The following SORCS2 variants were observed in gnomAD, a reference collection of about 807,000 sequenced individuals.
SORCS2 encodes the protein sortilin related VPS10 domain containing receptor 2, also known as VPS10 domain-containing receptor SorCS2.
SORCS2 carries 100 observed loss-of-function variants against 141.6 expected under a neutral mutation model. The observed-to-expected ratio is 0.71, with a 90% CI of 0.60 to 0.83. The LOEUF is 0.83. Ranked by LOEUF, SORCS2 falls within the 40% of genes least tolerant of loss-of-function variation. The pLI, the probability that SORCS2 is intolerant of heterozygous loss-of-function variation, is 0.00. For synonymous variants in SORCS2, 789 were observed against 676.9 expected (o/e 1.17, Z -2.57); for missense variants, 1,646 against 1,560.2 (o/e 1.05, Z -0.93).
intron 3 of SORCS2, among the ~76,000 whole-genome samples, chr4:7,552,470 GC>G (rs1469208782): frequency 6.6e-6 from 1 of 152,138 alleles, no homozygotes; most frequent in Non-Finnish European, 1.5e-5. Context: ...AAAAGCACTG[GC>G]CCCAGTCCAA....
chr4:7,615,356 A>T (rs1469689978), intron 3 of SORCS2, among the ~76,000 whole-genome samples: 1 of 152,236 alleles, frequency 6.6e-6, no homozygotes, highest in Non-Finnish European at 1.5e-5. Flanking sequence ...AAATGGGGCT[A>T]TGGAGTGAGG....
intron 1 of SORCS2, among the ~76,000 whole-genome samples, chr4:7,263,647 G>A (rs1017216900): frequency 6.6e-6 from 1 of 152,230 alleles, no homozygotes; most frequent in Non-Finnish European, 1.5e-5. Context: ...TCTGCTGCCT[G>A]TATGTCAAAG....
At chr4:7,683,523 T>C (rs1332627793) in intron 10 of SORCS2, among the ~76,000 whole-genome samples, 2 of 152,250 alleles carry the variant, frequency 1.3e-5, no homozygotes, top group Non-Finnish European at 2.9e-5. Flanking sequence ...TTAATTCTCA[T>C]GGTGATACCA....
chr4:7,601,616 CAAAAAA>C (rs1168678841), intron 3 of SORCS2, among the ~76,000 whole-genome samples: 21 of 45,632 alleles, frequency 4.6e-4, no homozygotes, highest in East Asian at 9.3e-4. Context: ...AAGACTCTCT[CAAAAAA>C]AAAAAAAAAA....
intron 2 of SORCS2, among the ~76,000 whole-genome samples, chr4:7,516,726 C>T (rs571137007): frequency 1.8e-3 from 272 of 152,226 alleles, no homozygotes; most frequent in Admixed American, 2.3e-3. Flanking sequence ...CACACTCATC[C>T]CCTGCCTGCA....
intron 3 of SORCS2, among the ~76,000 whole-genome samples, chr4:7,608,025 A>T (rs11937918): frequency 1.3e-5 from 2 of 151,910 alleles, no homozygotes; most frequent in Non-Finnish European, 2.9e-5. Flanking sequence ...AGGACATGCC[A>T]TGCCCTGCCA....
At chr4:7,287,980 G>T (rs1716339392) in intron 1 of SORCS2, among the ~76,000 whole-genome samples, 1 of 152,252 alleles carries the variant, frequency 6.6e-6, no homozygotes, top group African/African-American at 2.4e-5. Context: ...CCCAGCCCCT[G>T]TGGGATGGGA....
chr4:7,394,882 G>A (rs997937589), intron 1 of SORCS2, among the ~76,000 whole-genome samples: 35 of 152,148 alleles, frequency 2.3e-4, no homozygotes, highest in Non-Finnish European at 3.5e-4. Context: ...GATGGGGCCG[G>A]ATCAAACAGA....
At chr4:7,733,238 C>A in intron 23 of SORCS2, 84 bp from the exon 24 acceptor site, 1 of 1,048,534 alleles carries the variant, frequency 9.5e-7, no homozygotes, top group South Asian at 1.9e-5. Context: ...TCACTCCCCT[C>A]CTGGAGGAGG....
chr4:7,402,968 C>T (rs1247450115), intron 2 of SORCS2, among the ~76,000 whole-genome samples: 1 of 151,764 alleles, frequency 6.6e-6, no homozygotes, highest in Non-Finnish European at 1.5e-5. Context: ...ATTTCCAGGC[C>T]CCTTAATTTT....
intron 1 of SORCS2, among the ~76,000 whole-genome samples, chr4:7,279,843 T>A (rs1715752547): frequency 6.6e-6 from 1 of 152,196 alleles, no homozygotes; most frequent in Non-Finnish European, 1.5e-5. Context: ...TATCTATTTC[T>A]GGACGCACCT....
chr4:7,298,404 A>G (rs910728700), intron 1 of SORCS2, among the ~76,000 whole-genome samples: 1 of 152,172 alleles, frequency 6.6e-6, no homozygotes, highest in South Asian at 2.1e-4. Context: ...TTCAGAGGCC[A>G]GGATGCCCTG....
At chr4:7,342,438 C>T (rs1393193931) in intron 1 of SORCS2, among the ~76,000 whole-genome samples, 1 of 152,182 alleles carries the variant, frequency 6.6e-6, no homozygotes, top group Non-Finnish European at 1.5e-5. Flanking sequence ...TTGCAGATTC[C>T]ACAGCCGGCC....
intron 1 of SORCS2, among the ~76,000 whole-genome samples, chr4:7,299,275 G>A (rs28625372): frequency 0.66 from 101,006 of 152,102 alleles, 34,836 homozygotes; most frequent in Non-Finnish European, 0.75. Context: ...TGGATGGCGG[G>A]CTGTGCCCTA....
chr4:7,650,164 C>T (rs1000020086), intron 4 of SORCS2, among the ~76,000 whole-genome samples: 2 of 152,198 alleles, frequency 1.3e-5, no homozygotes, highest in South Asian at 4.1e-4. Context: ...AATTCAAGTG[C>T]AGGTCTGACA....
At chr4:7,687,967 G>A (rs1015453497) in intron 10 of SORCS2, among the ~76,000 whole-genome samples, 6 of 152,152 alleles carry the variant, frequency 3.9e-5, no homozygotes, top group South Asian at 2.1e-4. Context: ...TGGGTGAATC[G>A]TACAACATGT....
intron 3 of SORCS2, among the ~76,000 whole-genome samples, chr4:7,628,587 C>T (rs1260732467): frequency 2.6e-5 from 4 of 151,852 alleles, no homozygotes; most frequent in East Asian, 3.9e-4. Flanking sequence ...GCACTGAGCT[C>T]GTGGCCTGAG....
intron 1 of SORCS2, among the ~76,000 whole-genome samples, chr4:7,372,476 T>C (rs3965270): frequency 0.59 from 88,527 of 151,202 alleles, 26,076 homozygotes; most frequent in Non-Finnish European, 0.6. Flanking sequence ...CTGGCTAATT[T>C]TTTGTATTTT....
chr4:7,722,738 G>A (rs182612201), intron 18 of SORCS2, among the ~76,000 whole-genome samples: 3 of 152,206 alleles, frequency 2.0e-5, no homozygotes, highest in Non-Finnish European at 4.4e-5. Flanking sequence ...CCCGGTAGAC[G>A]TGAATTTTGG....
Sources: gnomAD v4.1 joint callset for allele counts (sites outside exome capture counted in the v4.1 genomes callset) on GRCh38, gnomAD v4.1.1 for gene constraint, MANE v1.5 for transcripts, NCBI Gene and HGNC (gene_info 2026-07-23, HGNC 2026-07-21) for gene names.